The following RHOBTB3 variants were observed in gnomAD, a reference collection of about 807,000 sequenced individuals.
RHOBTB3 encodes the protein Rho related BTB domain containing 3.
A neutral mutation model predicts 67.2 loss-of-function variants in RHOBTB3; 47 were observed. The ratio of observed to expected loss-of-function variants is 0.70; its 90% CI spans 0.55 to 0.89. The LOEUF (loss-of-function observed/expected upper bound fraction) is 0.89. Among genes scored for constraint, RHOBTB3 ranks in the 40% least tolerant of loss-of-function variants. RHOBTB3 has a pLI of 0.00. For synonymous variants in RHOBTB3, 273 were observed against 274.2 expected, an observed-to-expected ratio of 1.00 and a Z score of 0.04; for missense variants, 631 against 750.0, an observed-to-expected ratio of 0.84 and a Z score of 1.85.
chr5:95,734,019 T>C (rs1319488201), intron 2 of RHOBTB3, among the ~76,000 whole-genome samples: 1 of 152,216 alleles, frequency 6.6e-6, no homozygotes, highest in Non-Finnish European at 1.5e-5. Context: ...AAAGCTGTGC[T>C]GAGAAGTGAA....
chr5:95,738,955 C>CCA (rs146732062), intron 3 of RHOBTB3, among the ~76,000 whole-genome samples: 2 of 151,964 alleles, frequency 1.3e-5, no homozygotes, highest in Admixed American at 6.6e-5. Context: ...TCCCCTCCTC[C>CCA]CACACACACA....
chr5:95,784,031 A>T lies in RHOBTB3; in HGVS notation c.1623+68A>T. Reference sequence around the variant, plus strand: ...TATTTTTCAAATTATACTATTTTAAAATTTATCATTTTTTAACATACGTTA... The same window carrying T: ...TATTTTTCAAATTATACTATTTTAATATTTATCATTTTTTAACATACGTTA... On this transcript the variant is annotated intron_variant, in intron 10 of 11. Transcript: ENST00000379982. The T allele has an allele frequency of 2.3e-6, 3 of 1,293,832 alleles. No homozygotes were observed. In the East Asian group the frequency reaches 7.9e-5, roughly 34 times the overall value. 80.1% of individuals were successfully genotyped at this position (1,293,832 alleles called of 1,614,324 possible). A position where few individuals can be genotyped will look rare whatever the true frequency, so the allele number is the denominator to read the frequency against.
chr5:95,773,065 T>G (rs917195720), intron 8 of RHOBTB3, among the ~76,000 whole-genome samples: 13 of 152,350 alleles, frequency 8.5e-5, no homozygotes, highest in African/African-American at 2.9e-4. Context: ...GTATCAAACA[T>G]TATGTTAGCA....
At chr5:95,760,445 T>C (rs1745365331) in intron 6 of RHOBTB3, among the ~76,000 whole-genome samples, 2 of 152,234 alleles carry the variant, frequency 1.3e-5, no homozygotes. Flanking sequence ...GAGCTCTTCC[T>C]GCCACAGATG....
At chr5:95,734,269 A>G (rs943242862) in intron 2 of RHOBTB3, among the ~76,000 whole-genome samples, 2 of 152,174 alleles carry the variant, frequency 1.3e-5, no homozygotes, top group African/African-American at 4.8e-5. Flanking sequence ...GTAAAATAAA[A>G]TAGTTTCACT....
chr5:95,764,065 C>T (rs760572270), intron 7 of RHOBTB3, among the ~76,000 whole-genome samples: 16 of 152,290 alleles, frequency 1.1e-4, no homozygotes, highest in Admixed American at 2.0e-4. Flanking sequence ...CCACCGTAGC[C>T]TCCCAAGGTG....
At chr5:95,776,455 T>G (rs1745885300) in intron 8 of RHOBTB3, among the ~76,000 whole-genome samples, 1 of 151,942 alleles carries the variant, frequency 6.6e-6, no homozygotes, top group African/African-American at 2.4e-5. Flanking sequence ...AAAATGTAAT[T>G]TATTTTATAA....
chr5:95,749,212 C>T (rs926267966), intron 4 of RHOBTB3, among the ~76,000 whole-genome samples: 5 of 152,198 alleles, frequency 3.3e-5, no homozygotes, highest in African/African-American at 1.2e-4. Context: ...ATCTGATATA[C>T]ACGGATGAGA....
At chr5:95,752,809 G>C (rs1745127360) in intron 5 of RHOBTB3, among the ~76,000 whole-genome samples, 1 of 152,112 alleles carries the variant, frequency 6.6e-6, no homozygotes, top group Non-Finnish European at 1.5e-5. Flanking sequence ...TGATGAATAG[G>C]AGAATGTTCC....
At chr5:95,731,320 G>A (rs1755234390), upstream of RHOBTB3, 3 of 1,076,876 alleles carry the variant, frequency 2.8e-6, no homozygotes, top group Non-Finnish European at 3.4e-6. Context: ...AGAGGAGGAG[G>A]AGCAGCGGCA....
chr5:95,726,635 T>C (rs1755061150), upstream of RHOBTB3, among the ~76,000 whole-genome samples: 1 of 152,244 alleles, frequency 6.6e-6, no homozygotes, highest in Non-Finnish European at 1.5e-5. Flanking sequence ...TTTTTTACCT[T>C]GCAATGTGGC....
rs541519723 is a variant in RHOBTB3, at chr5:95,723,287, C to T, written n.133+5522C>T. Among the ~76,000 whole-genome samples the T allele has an allele frequency of 7.2e-5, 11 of 152,310 alleles. No homozygotes were observed. In the East Asian group the frequency reaches 1.2e-3, roughly 16 times the overall value. ...AAAGCCATCCTGGGCCACATGCGGC[C>T]CTTAGGCCACAGGTTGGACAAGCTT... On this transcript the variant is annotated intron_variant and non_coding_transcript_variant, in intron 1 of 5. Coordinates refer to the RHOBTB3 transcript ENST00000504949.
rs569378511 is a variant in RHOBTB3 at position 95,752,945 on chromosome 5, C to G, written c.682+595C>G. Among the ~76,000 whole-genome samples the G allele has an allele frequency of 1.1e-4, 17 of 152,178 alleles. No homozygotes were observed. In the South Asian group the frequency reaches 2.5e-3, roughly 22 times the overall value. On this transcript the variant is annotated intron_variant, in intron 5 of 11. Coordinates refer to ENST00000379982, the MANE Select transcript of RHOBTB3 (RefSeq NM_014899.4). Reference sequence around the variant, plus strand: ...AGGAGATCGAGACCATCCTGGCTAACACGGTGAAACCCCGTCTCCACTAAA... The same window carrying G: ...AGGAGATCGAGACCATCCTGGCTAAGACGGTGAAACCCCGTCTCCACTAAA...
intron 8 of RHOBTB3, among the ~76,000 whole-genome samples, chr5:95,773,829 C>T (rs1383513771): frequency 3.3e-5 from 5 of 152,288 alleles, no homozygotes; most frequent in Non-Finnish European, 7.4e-5. Flanking sequence ...ACTGTGGTCA[C>T]TCTGGAAGCA....
intron 8 of RHOBTB3, among the ~76,000 whole-genome samples, chr5:95,776,000 A>G (rs2112824140): frequency 6.6e-6 from 1 of 152,334 alleles, no homozygotes; most frequent in Admixed American, 6.5e-5. Context: ...ACACTTCAAA[A>G]GATTCATAGT....
chr5:95,763,696 T>C, intron 7 of RHOBTB3, 76 bp downstream of exon 7: 1 of 847,320 alleles, frequency 1.2e-6, no homozygotes, highest in South Asian at 1.5e-5. Context: ...AATATAAAAT[T>C]GAGTCGTTAG....
chr5:95,783,656 T>A, intron 9 of RHOBTB3, 141 bp from the exon 10 acceptor site: 3 of 551,564 alleles, frequency 5.4e-6, no homozygotes, highest in Non-Finnish European at 6.0e-6. Context: ...CCCTCGAGGC[T>A]TTTCCTAACC....
chr5:95,748,610 TAAA>T, intron 4 of RHOBTB3, 123 bp downstream of exon 4: 1 of 609,570 alleles, frequency 1.6e-6, no homozygotes, highest in Admixed American at 3.1e-5. Context: ...CCTTGAGAAA[TAAA>T]ATGAGAGTGA....
rs150008155 is a variant in RHOBTB3 at position 95,783,834 on chromosome 5, C to T, written c.1494C>T (p.Ala498=). ...IFQAMCLLIC[A]EMYQVSRLQH... ...AGGCCATGTGTCTCCTGATCTGTGC[C>T]GAGATGTACCAAGTGTCCAGACTGC... Residue 498 remains alanine, a synonymous_variant, in exon 10 of 12, where the codon GCC becomes GCT. Transcript: ENST00000379982. 3.2e-5 allele frequency: 51 copies of T among 1,613,374 alleles called. No homozygotes were observed. Among genetic ancestry groups the T allele is most frequent in the African/African-American group, 1.5e-4 (11 of 74,780 alleles).
Sources: allele counts gnomAD v4.1 joint callset (sites outside exome capture counted in the v4.1 genomes callset), GRCh38; gene constraint gnomAD v4.1.1; transcripts MANE v1.5; gene names NCBI Gene and HGNC (gene_info 2026-07-23, HGNC 2026-07-21).